The following TNFRSF19 variants were observed in gnomAD, a reference collection of about 807,000 sequenced individuals.
The protein encoded by TNFRSF19 is TNF receptor superfamily member 19, also known as tumor necrosis factor receptor superfamily member 19.
In TNFRSF19, 27 loss-of-function variants were observed where a neutral mutation model predicts 46.4. The ratio of observed to expected loss-of-function variants is 0.58; its 90% CI spans 0.43 to 0.80. The LOEUF (loss-of-function observed/expected upper bound fraction) is 0.80. TNFRSF19 is among the 30% of genes least tolerant of loss of function. The pLI, the probability that TNFRSF19 is intolerant of heterozygous loss-of-function variation, is 0.00. For synonymous variants in TNFRSF19, 204 were observed against 205.0 expected, an observed-to-expected ratio of 1.00 and a Z score of 0.04; for missense variants, 511 against 530.8, an observed-to-expected ratio of 0.96 and a Z score of 0.37.
intron 3 of TNFRSF19, among the ~76,000 whole-genome samples, chr13:23,611,676 A>G (rs748535129): frequency 7.9e-5 from 12 of 152,242 alleles, no homozygotes; most frequent in Non-Finnish European, 1.6e-4. Flanking sequence ...TGCCTGCAGC[A>G]GGAAATAATA....
At chr13:23,653,321 C>G (rs892547441) in intron 5 of TNFRSF19, among the ~76,000 whole-genome samples, 2 of 152,238 alleles carry the variant, frequency 1.3e-5, no homozygotes, top group Middle Eastern at 6.3e-3. Context: ...CTGGACCTAG[C>G]TTAACGACGA....
intron 5 of TNFRSF19, among the ~76,000 whole-genome samples, chr13:23,627,236 C>T (rs1177643423): frequency 6.6e-6 from 1 of 152,298 alleles, no homozygotes. Context: ...GTCACCTGCC[C>T]TCACTGTGTG....
At chr13:23,662,748 A>G (rs1262444363) in intron 7 of TNFRSF19, among the ~76,000 whole-genome samples, 1 of 152,084 alleles carries the variant, frequency 6.6e-6, no homozygotes, top group African/African-American at 2.4e-5. Context: ...GGTTAGCTGT[A>G]TTCTTAAGTA....
In TNFRSF19 at chr13:23,601,001, C is replaced by T. The variant is rs540636389; in HGVS notation, c.180+7546C>T. The stretch of plus-strand genomic sequence containing the variant: ...AGTTATCAGAGAGAATCAAGAACAA[C>T]TATGATTAATATGCTAATAGCATTA... On this transcript the variant is annotated intron_variant, in intron 3 of 9. Coordinates refer to ENST00000248484, the MANE Select transcript of TNFRSF19 (RefSeq NM_148957.4). Among the ~76,000 whole-genome samples, 14 of 152,254 alleles carry T rather than the reference C, an allele frequency of 9.2e-5. No individual in the cohort carries two copies. The South Asian group carries it at 1.9e-3, about 20-fold the overall frequency.
chr13:23,610,184 A>G (rs575500118), intron 3 of TNFRSF19, among the ~76,000 whole-genome samples: 2 of 152,314 alleles, frequency 1.3e-5, no homozygotes, highest in East Asian at 3.9e-4. Context: ...CTTTCAACCC[A>G]AGGCCCAGAA....
chr13:23,640,671 C>T (rs907629219), intron 5 of TNFRSF19, among the ~76,000 whole-genome samples: 5 of 152,200 alleles, frequency 3.3e-5, no homozygotes, highest in African/African-American at 1.2e-4. Flanking sequence ...AGAATGTTCA[C>T]CAATCCATTC....
chr13:23,667,119 TGA>T (rs1491475116), intron 7 of TNFRSF19, among the ~76,000 whole-genome samples: 1 of 69,188 alleles, frequency 1.4e-5, no homozygotes, highest in Non-Finnish European at 2.8e-5. Context: ...TAAATCAGAG[TGA>T]TATATATATA....
At chr13:23,629,479 T>G (rs1221883166) in intron 5 of TNFRSF19, among the ~76,000 whole-genome samples, 2 of 152,208 alleles carry the variant, frequency 1.3e-5, no homozygotes, top group Non-Finnish European at 2.9e-5. Context: ...CACGCCTATC[T>G]GTGGCTGGTG....
At chr13:23,617,279 G>T (rs190877048) in intron 4 of TNFRSF19, among the ~76,000 whole-genome samples, 38 of 152,280 alleles carry the variant, frequency 2.5e-4, no homozygotes, top group Admixed American at 2.3e-3. Context: ...GGGTGGGCAG[G>T]TGCGAACGCA....
chr13:23,635,626 G>T (rs1593274746), intron 5 of TNFRSF19, among the ~76,000 whole-genome samples: 1 of 152,194 alleles, frequency 6.6e-6, no homozygotes, highest in Non-Finnish European at 1.5e-5. Context: ...TGATCTGCCC[G>T]CCTTGGCCTC....
intron 7 of TNFRSF19, among the ~76,000 whole-genome samples, chr13:23,662,135 C>G (rs1884406866): frequency 6.6e-6 from 1 of 152,002 alleles, no homozygotes; most frequent in African/African-American, 2.4e-5. Context: ...GATGGTATTG[C>G]TTAGGTTTTC....
At chr13:23,642,080 A>G (rs1327990256) in intron 5 of TNFRSF19, among the ~76,000 whole-genome samples, 2 of 152,226 alleles carry the variant, frequency 1.3e-5, no homozygotes, top group Non-Finnish European at 1.5e-5. Context: ...TTGAACCATC[A>G]TAAGTTGAGG....
chr13:23,602,994 T>G (rs1381339541), intron 3 of TNFRSF19, among the ~76,000 whole-genome samples: 2 of 151,902 alleles, frequency 1.3e-5, no homozygotes, highest in Non-Finnish European at 2.9e-5. Flanking sequence ...AATAAATAAC[T>G]ATTAAAGCAG....
intron 9 of TNFRSF19, among the ~76,000 whole-genome samples, chr13:23,670,611 A>G (rs1951744767): frequency 6.6e-6 from 1 of 152,238 alleles, no homozygotes. Flanking sequence ...AGACTTAAGA[A>G]TTAACCTAGC....
At chr13:23,614,875 G>A (rs1375728411) in intron 3 of TNFRSF19, among the ~76,000 whole-genome samples, 1 of 151,554 alleles carries the variant, frequency 6.6e-6, no homozygotes, top group African/African-American at 2.4e-5. Context: ...CCTAGCCCAA[G>A]GTACATAACT....
intron 1 of TNFRSF19, among the ~76,000 whole-genome samples, chr13:23,582,985 T>G (rs1315901367): frequency 6.6e-6 from 1 of 152,254 alleles, no homozygotes; most frequent in African/African-American, 2.4e-5. Context: ...ACATGGTTGT[T>G]TTCAGTTTTT....
intron 5 of TNFRSF19, among the ~76,000 whole-genome samples, chr13:23,646,144 C>T (rs539309820): frequency 2.0e-4 from 30 of 152,136 alleles, no homozygotes; most frequent in Non-Finnish European, 3.7e-4. Context: ...CGGCACCCCC[C>T]GGCCTGCCCT....
chr13:23,621,906 G>A (rs543525704), intron 4 of TNFRSF19, among the ~76,000 whole-genome samples: 52 of 152,076 alleles, frequency 3.4e-4, no homozygotes, highest in African/African-American at 1.2e-3. Flanking sequence ...AGCCAAGATC[G>A]CACCACTGCA....
chr13:23,610,474 G>A (rs1368371760), intron 3 of TNFRSF19, among the ~76,000 whole-genome samples: 1 of 152,152 alleles, frequency 6.6e-6, no homozygotes, highest in African/African-American at 2.4e-5. Flanking sequence ...ACCAAGATAA[G>A]GAAAGCTGCT....
Sources: gnomAD v4.1 joint callset for allele counts (sites outside exome capture counted in the v4.1 genomes callset) on GRCh38, gnomAD v4.1.1 for gene constraint, MANE v1.5 for transcripts, NCBI Gene and HGNC (gene_info 2026-07-23, HGNC 2026-07-21) for gene names.